The following CHRNA7 variants were observed in gnomAD, a reference collection of about 807,000 sequenced individuals.
CHRNA7 encodes the protein cholinergic receptor nicotinic alpha 7 subunit.
CHRNA7 carries 17 observed loss-of-function variants against 48.0 expected under a neutral mutation model. The observed-to-expected ratio is 0.35, with a 90% confidence interval of 0.24 to 0.53. The LOEUF is 0.53. Among genes scored for constraint, CHRNA7 ranks in the 20% least tolerant of loss-of-function variants. The probability of loss-of-function intolerance (pLI) is 0.92; values close to 1 mark genes in which losing one functional copy is unlikely to be tolerated. For missense variants in CHRNA7, 155 were observed against 577.7 expected, an observed-to-expected ratio of 0.27 and a Z score of 7.50; for synonymous variants, 75 against 242.3, an observed-to-expected ratio of 0.31 and a Z score of 6.41.
At chr15:32,129,125 A>G (rs2051115178) in intron 4 of CHRNA7, among the ~76,000 whole-genome samples, 2 of 152,072 alleles carry the variant, frequency 1.3e-5, no homozygotes, top group South Asian at 4.1e-4. Context: ...CATGTGTGTA[A>G]TTCCTTATAT....
chr15:32,122,325 G>T (rs944021222), intron 4 of CHRNA7, among the ~76,000 whole-genome samples: 1 of 152,170 alleles, frequency 6.6e-6, no homozygotes, highest in Non-Finnish European at 1.5e-5. Flanking sequence ...TTCTGATTGT[G>T]TGGGGCAGGG....
chr15:32,141,590 T>G (rs75826401), intron 4 of CHRNA7, among the ~76,000 whole-genome samples: 62,234 of 151,586 alleles, frequency 0.41, 13,056 homozygotes, highest in African/African-American at 0.52. Flanking sequence ...TGTCCTCTTT[T>G]ATTTCATTGA....
chr15:32,148,274 G>T (rs2051534448), intron 4 of CHRNA7, among the ~76,000 whole-genome samples: 1 of 152,090 alleles, frequency 6.6e-6, no homozygotes, highest in African/African-American at 2.4e-5. Flanking sequence ...GTGCCCTATT[G>T]GGAGTTGGTC....
At chr15:32,083,823 G>C (rs2141235976) in intron 2 of CHRNA7, among the ~76,000 whole-genome samples, 1 of 152,278 alleles carries the variant, frequency 6.6e-6, no homozygotes, top group South Asian at 2.1e-4. Context: ...ACGCAATTTG[G>C]TTCCTGATTT....
At chr15:32,046,195 G>A (rs529603505) in intron 2 of CHRNA7, among the ~76,000 whole-genome samples, 3 of 151,740 alleles carry the variant, frequency 2.0e-5, no homozygotes, top group African/African-American at 7.3e-5. Context: ...GTAATGGGAT[G>A]GCTGGGTCAA....
chr15:32,090,224 G>C (rs549497336), intron 2 of CHRNA7, among the ~76,000 whole-genome samples: 48 of 152,294 alleles, frequency 3.2e-4, no homozygotes, highest in African/African-American at 1.2e-3. Context: ...TTCCCTAGCA[G>C]GGATAAGCTC....
At chr15:32,051,459 C>T (rs560629915) in intron 2 of CHRNA7, among the ~76,000 whole-genome samples, 13 of 152,312 alleles carry the variant, frequency 8.5e-5, no homozygotes, top group Admixed American at 7.8e-4. Context: ...GAGCCATGTG[C>T]GGGATATAAT....
chr15:32,146,777 A>G (rs2051497195), intron 4 of CHRNA7, among the ~76,000 whole-genome samples: 2 of 152,236 alleles, frequency 1.3e-5, no homozygotes, highest in African/African-American at 4.8e-5. Flanking sequence ...ATGTGATTCC[A>G]ACTAAATTTA....
intron 2 of CHRNA7, among the ~76,000 whole-genome samples, chr15:32,070,557 T>C (rs1196056337): frequency 6.6e-6 from 1 of 152,022 alleles, no homozygotes. Context: ...CCCAGGACCC[T>C]GAAGATTTTT....
At chr15:32,081,322 A>C (rs964228379) in intron 2 of CHRNA7, among the ~76,000 whole-genome samples, 5 of 152,122 alleles carry the variant, frequency 3.3e-5, no homozygotes, top group Admixed American at 1.3e-4. Context: ...AAAATAAATA[A>C]ATTACTGTAC....
intron 2 of CHRNA7, among the ~76,000 whole-genome samples, chr15:32,083,304 G>A (rs966685051): frequency 5.3e-5 from 8 of 152,084 alleles, no homozygotes; most frequent in Admixed American, 1.3e-4. Flanking sequence ...GCTCTCTCTC[G>A]AGTACTCTCT....
At position 32,169,045 on chromosome 15, in the gene CHRNA7, A is replaced by G. The variant is rs55943176; in HGVS notation, c.*587A>G. 18,254 of 147,422 alleles carry G rather than the reference A, an allele frequency of 0.12. 1,784 individuals carry two copies. Among genetic ancestry groups the G allele is most frequent in the Non-Finnish European group, 0.18 (11,743 of 66,378 alleles). The allele number at this position is 147,422 out of a possible 1,614,324, so 9.1% of individuals were successfully genotyped here. On this transcript the variant is annotated 3_prime_UTR_variant, in exon 10 of 10. Transcript: ENST00000306901. The stretch of plus-strand genomic sequence containing the variant: ...CTGTTTCTACATTAAAAAAAAAAAA[A>G]AAAGACAGACTGTTGGTCTTACTAA...
intron 4 of CHRNA7, among the ~76,000 whole-genome samples, chr15:32,134,146 G>A (rs552986364): frequency 7.9e-5 from 12 of 151,934 alleles, no homozygotes; most frequent in African/African-American, 2.7e-4. Context: ...GTGACTACAT[G>A]TGGGTTTTTT....
chr15:32,091,362 CT>C (rs2050378976), intron 2 of CHRNA7, among the ~76,000 whole-genome samples: 1 of 151,836 alleles, frequency 6.6e-6, no homozygotes, highest in Non-Finnish European at 1.5e-5. Context: ...TTTCTTTTGT[CT>C]TTTTTGTGGT....
At chr15:32,117,461 G>A in intron 4 of CHRNA7, among the ~76,000 whole-genome samples, 1 of 152,214 alleles carries the variant, frequency 6.6e-6, no homozygotes, top group Non-Finnish European at 1.5e-5. Context: ...CTACAGCGCA[G>A]ATGAGCCATC....
intron 5 of CHRNA7, chr15:32,156,641 A>T (rs2051744222): frequency 1.9e-5 from 1 of 53,288 alleles, no homozygotes; most frequent in Non-Finnish European, 4.1e-5. Flanking sequence ...TGGGAAATCC[A>T]CTTCCAACCT....
intron 4 of CHRNA7, among the ~76,000 whole-genome samples, chr15:32,142,447 G>A (rs1271721298): frequency 6.6e-6 from 1 of 152,158 alleles, no homozygotes; most frequent in Non-Finnish European, 1.5e-5. Flanking sequence ...AATGAGTTAG[G>A]GAGGATTCCC....
intron 4 of CHRNA7, among the ~76,000 whole-genome samples, chr15:32,123,495 A>G (rs2051010054): frequency 6.6e-6 from 1 of 152,224 alleles, no homozygotes; most frequent in Non-Finnish European, 1.5e-5. Flanking sequence ...GGGTATGAAC[A>G]TTATTTTAAA....
chr15:32,033,632 C>T (rs558330433), intron 2 of CHRNA7, among the ~76,000 whole-genome samples: 17 of 152,284 alleles, frequency 1.1e-4, no homozygotes, highest in Middle Eastern at 3.4e-3. Flanking sequence ...ATTTGTATTC[C>T]AGCCTTACTT....
Sources: allele counts gnomAD v4.1 joint callset (sites outside exome capture counted in the v4.1 genomes callset), GRCh38; gene constraint gnomAD v4.1.1; transcripts MANE v1.5; gene names NCBI Gene and HGNC (gene_info 2026-07-23, HGNC 2026-07-21).